SYT1: variants seen among roughly 807,000 people sequenced by gnomAD.
The protein encoded by SYT1 is synaptotagmin-1.
SYT1 carries 8 observed loss-of-function variants against 44.8 expected under a neutral mutation model. The ratio of observed to expected loss-of-function variants is 0.18; its 90% CI spans 0.10 to 0.32. The LOEUF is 0.32. Among genes scored for constraint, SYT1 ranks in the 10% least tolerant of loss-of-function variants. SYT1 has a pLI of 1.00. For synonymous variants in SYT1, 154 were observed against 188.8 expected (o/e 0.82, Z 1.51); for missense variants, 286 against 509.3 (o/e 0.56, Z 4.22).
chr12:78,872,109 A>G (rs1873851885), intron 1 of SYT1, among the ~76,000 whole-genome samples: 1 of 151,976 alleles, frequency 6.6e-6, no homozygotes, highest in African/African-American at 2.4e-5. Context: ...TAAAAAGCCA[A>G]GCATTCACCT....
At chr12:79,304,617 C>A (rs1397205802) in intron 8 of SYT1, among the ~76,000 whole-genome samples, 2 of 152,062 alleles carry the variant, frequency 1.3e-5, no homozygotes, top group Admixed American at 6.6e-5. Flanking sequence ...TCATAGATTA[C>A]CTTAATTTTT....
At chr12:78,967,103 C>T (rs963017756) in intron 1 of SYT1, among the ~76,000 whole-genome samples, 5 of 152,134 alleles carry the variant, frequency 3.3e-5, no homozygotes, top group African/African-American at 1.2e-4. Context: ...TTTTTACCCA[C>T]ACATCTTATG....
intron 3 of SYT1, among the ~76,000 whole-genome samples, chr12:79,166,250 C>CA (rs11384099): frequency 0.02 from 3,059 of 152,092 alleles, 86 homozygotes; most frequent in African/African-American, 0.06. Flanking sequence ...TACCAATTGT[C>CA]AGAGTCAGTC....
intron 3 of SYT1, among the ~76,000 whole-genome samples, chr12:79,079,829 G>A (rs533660753): frequency 6.6e-6 from 1 of 152,084 alleles, no homozygotes; most frequent in Non-Finnish European, 1.5e-5. Flanking sequence ...TGTAGTGGCT[G>A]TTAACATTGA....
intron 3 of SYT1, among the ~76,000 whole-genome samples, chr12:79,188,334 C>T (rs1055913818): frequency 6.6e-6 from 1 of 152,076 alleles, no homozygotes; most frequent in East Asian, 1.9e-4. Flanking sequence ...TCTGGAACAT[C>T]TGAGTGCAAG....
At chr12:79,183,877 A>G (rs973409626) in intron 3 of SYT1, among the ~76,000 whole-genome samples, 1 of 152,088 alleles carries the variant, frequency 6.6e-6, no homozygotes, top group Non-Finnish European at 1.5e-5. Context: ...TTAAAATCTC[A>G]TAACAAGAAG....
intron 1 of SYT1, among the ~76,000 whole-genome samples, chr12:78,951,437 A>G (rs1422284878): frequency 6.6e-6 from 1 of 152,164 alleles, no homozygotes; most frequent in African/African-American, 2.4e-5. Flanking sequence ...AGGAATTGTT[A>G]TAATGTCGAC....
chr12:79,411,400 A>G (rs1411049314), intron 9 of SYT1, among the ~76,000 whole-genome samples: 2 of 152,140 alleles, frequency 1.3e-5, no homozygotes, highest in Non-Finnish European at 1.5e-5. Flanking sequence ...GTAGGTGGCA[A>G]TGTGCCCAGC....
chr12:79,206,434 G>A (rs1458424967), intron 3 of SYT1, among the ~76,000 whole-genome samples: 6 of 152,096 alleles, frequency 3.9e-5, no homozygotes, highest in South Asian at 2.1e-4. Flanking sequence ...TGTGTTGAGC[G>A]TACGTTGAGC....
chr12:79,158,592 G>A (rs530681065), intron 3 of SYT1, among the ~76,000 whole-genome samples: 82 of 151,996 alleles, frequency 5.4e-4, no homozygotes, highest in Non-Finnish European at 8.2e-4. Context: ...AAATATTTCT[G>A]AGTAATAATA....
chr12:79,027,944 C>T (rs1416479673), intron 2 of SYT1, among the ~76,000 whole-genome samples: 2 of 151,424 alleles, frequency 1.3e-5, no homozygotes, highest in Non-Finnish European at 3.0e-5. Context: ...ACATTCCCAC[C>T]TTGTGTGCAT....
chr12:78,943,086 T>G (rs1878467683), intron 1 of SYT1, among the ~76,000 whole-genome samples: 1 of 152,216 alleles, frequency 6.6e-6, no homozygotes, highest in South Asian at 2.1e-4. Context: ...ATTTACTACA[T>G]TCTTTTGTAT....
chr12:79,001,687 T>C lies in SYT1; in HGVS notation c.-84+23756T>C, dbSNP rs1358653704. 4.6e-5 allele frequency among the ~76,000 whole-genome samples: 7 copies of C among 152,194 alleles called. No homozygotes were observed. In the East Asian group the frequency reaches 1.3e-3, roughly 29 times the overall value. ...ATACTACCAATTTATTTTCTGTTCT[T>C]AGTGTCAGTGATGCATGAGAGAACA... On this transcript the variant is annotated intron_variant, in intron 2 of 10. Transcript: ENST00000261205.
chr12:79,083,251 G>A (rs1023049635), intron 3 of SYT1, among the ~76,000 whole-genome samples: 4 of 152,056 alleles, frequency 2.6e-5, no homozygotes, highest in African/African-American at 9.7e-5. Context: ...AAAAACCAAG[G>A]TACTAGTGAA....
In SYT1 at chr12:79,088,267, A is replaced by C. The variant is rs368592859; in HGVS notation, c.-18+40905A>C. 5.7e-4 allele frequency among the ~76,000 whole-genome samples: 86 copies of C among 152,198 alleles called. 2 individuals are homozygous for C. The highest frequency in any genetic ancestry group is 2.0e-3 in the African/African-American group (85 of 41,548). ...TATTACTAGTAATTTTCTAGATAAC[A>C]AGAAGTTGGTTTAGGGGTGAAGGGA... On this transcript the variant is annotated intron_variant, in intron 3 of 10. Coordinates refer to ENST00000261205, the MANE Select transcript of SYT1 (RefSeq NM_005639.3).
At chr12:79,184,670 C>T (rs1872713438) in intron 3 of SYT1, among the ~76,000 whole-genome samples, 1 of 152,018 alleles carries the variant, frequency 6.6e-6, no homozygotes, top group Admixed American at 6.6e-5. Flanking sequence ...TAATATCCAG[C>T]ATTCAGAATA....
chr12:79,299,273 T>C, intron 7 of SYT1, 111 bp from the exon 8 acceptor site: 3 of 1,185,794 alleles, frequency 2.5e-6, no homozygotes, highest in Non-Finnish European at 3.5e-6. Flanking sequence ...AACAAAATTA[T>C]CTCCCTGTTC....
chr12:78,918,756 C>T (rs988117445), intron 1 of SYT1, among the ~76,000 whole-genome samples: 5 of 151,964 alleles, frequency 3.3e-5, no homozygotes, highest in Non-Finnish European at 5.9e-5. Flanking sequence ...AAAAAGGATA[C>T]GTCCTGAATG....
chr12:79,073,107 C>CT (rs1199428065), intron 3 of SYT1, among the ~76,000 whole-genome samples: 17 of 151,794 alleles, frequency 1.1e-4, no homozygotes, highest in Admixed American at 2.0e-4. Flanking sequence ...CATAATTATT[C>CT]TTTTTTTTAA....
Sources: gnomAD v4.1 joint callset for allele counts (sites outside exome capture counted in the v4.1 genomes callset) on GRCh38, gnomAD v4.1.1 for gene constraint, MANE v1.5 for transcripts, NCBI Gene and HGNC (gene_info 2026-07-23, HGNC 2026-07-21) for gene names.